The following ECEL1 variants were observed in gnomAD, a reference collection of about 807,000 sequenced individuals.
The protein encoded by ECEL1 is endothelin converting enzyme like 1, also known as endothelin-converting enzyme-like 1.
In ECEL1, 87 loss-of-function variants were observed where a neutral mutation model predicts 101.8. That is an observed-to-expected ratio of 0.85 (90% CI 0.72 to 1.02). The LOEUF (loss-of-function observed/expected upper bound fraction) is 1.02, where lower values mean the gene tolerates loss of function less well. Among genes scored for constraint, ECEL1 ranks in the 50% least tolerant of loss-of-function variants. The pLI is 0.00. For missense variants in ECEL1, 1,032 were observed against 1,079.2 expected, an observed-to-expected ratio of 0.96 and a Z score of 0.61; for synonymous variants, 487 against 468.7, an observed-to-expected ratio of 1.04 and a Z score of -0.50.
chr2:232,483,329 T>C, intron 8 of ECEL1, 87 bp downstream of exon 8: 1 of 1,549,264 alleles, frequency 6.5e-7, no homozygotes, highest in South Asian at 1.2e-5. Context: ...CACGAAGGCC[T>C]CTTTGTCCCT....
At chr2:232,483,052 T>G in intron 9 of ECEL1, 53 bp downstream of exon 9, 6 of 1,612,120 alleles carry the variant, frequency 3.7e-6, no homozygotes. Flanking sequence ...CCCTCCTGAG[T>G]GCCGTTAGTA....
intron 9 of ECEL1, 38 bp downstream of exon 9, chr2:232,483,067 G>T (rs781682011): frequency 1.5e-5 from 24 of 1,612,038 alleles, no homozygotes; most frequent in Non-Finnish European, 2.0e-5. Flanking sequence ...TTAGTAGAGG[G>T]GCTGTGGACA....
chr2:232,484,425 A>T (rs774383228), intron 6 of ECEL1, 47 bp downstream of exon 6: 1 of 1,607,388 alleles, frequency 6.2e-7, no homozygotes, highest in South Asian at 1.1e-5. Context: ...GTGCAGGGGA[A>T]GGACCTAGTG....
Position 232,482,959 on chromosome 2 carries a change from A to C in ECEL1, c.1582-5T>G. 1 of 1,614,114 alleles carries C rather than the reference A, an allele frequency of 6.2e-7. No homozygotes were observed. Reference sequence around the variant, plus strand: ...GGTCTTCTCATGGACCTCAAACTGCAGGAGGCACGGGCGACACTCAGCGGC... The same window carrying C: ...GGTCTTCTCATGGACCTCAAACTGCCGGAGGCACGGGCGACACTCAGCGGC... On this transcript the variant is annotated splice_region_variant and splice_polypyrimidine_tract_variant and intron_variant, in intron 9 of 17. Transcript: ENST00000304546.
rs1690676929 is a variant in ECEL1 at position 232,484,804 on chromosome 2, G to A, written c.1056C>T (p.Pro352=). ...VTLGQLQKIT[P]HLRWKWLLDQ... is the part of the protein sequence containing the mutation. ...ACGAGGACTGGGCCACACTCACGTG[G>A]GGGGTGATCTTCTGCAGCTGCCCCA... The change falls in exon 5 of 18, where the codon CCC becomes CCT. Residue 352 remains proline (P), a synonymous_variant. Transcript: ENST00000304546. 1 of 1,613,880 alleles carries A rather than the reference G, an allele frequency of 6.2e-7. No individual in the cohort carries two copies. The highest frequency in any genetic ancestry group is 8.5e-7 in the Non-Finnish European group (1 of 1,180,012).
Position 232,481,177 on chromosome 2 carries a change from CA to C in ECEL1, c.1990-22del, listed in dbSNP as rs778343175. On this transcript the variant is annotated intron_variant, in intron 14 of 17. Coordinates refer to ENST00000304546, the MANE Select transcript of ECEL1 (RefSeq NM_004826.4). ...TTCACCTGCCGGGAAGGGAAGAGGC[CA>C]GGGGGCTGCTTGGGGCCCAGCTGGC... is the stretch of plus-strand genomic sequence containing the variant. The C allele has an allele frequency of 8.4e-6, 13 of 1,555,464 alleles. No individual in the cohort carries two copies. In the South Asian group the frequency reaches 1.2e-4, roughly 14 times the overall value.
chr2:232,483,251 CAAGG>C, intron 8 of ECEL1, 72 bp from the exon 9 acceptor site: 1 of 1,538,746 alleles, frequency 6.5e-7, no homozygotes, highest in Non-Finnish European at 8.8e-7. Flanking sequence ...CCCTACCCAC[CAAGG>C]AAGGGAGCAC....
Position 232,481,615 on chromosome 2 carries a change from C to T in ECEL1, c.1880G>A (p.Arg627His), listed in dbSNP as rs145010012. 3.6e-5 allele frequency: 58 copies of T among 1,613,698 alleles called. No homozygotes were observed. The highest frequency in any genetic ancestry group is 1.7e-4 in the Middle Eastern group (1 of 6,052). Residue 627 changes from arginine (R) to histidine (H), a missense_variant, in exon 14 of 18, where the codon CGC (arginine) becomes CAC (histidine). By Grantham distance (29) the Arg-to-His change is conservative (BLOSUM62 0). Coordinates refer to ENST00000304546, the MANE Select transcript of ECEL1 (RefSeq NM_004826.4). The part of the protein sequence containing the change: ...GYDDWGGQYD[R>H]SGNLLHWWTE... ...CCACCAGTGCAGCAGGTTCCCTGAG[C>T]GGTCATACTGGCCCCCTGTGGGCAG...
chr2:232,485,675 A>G (rs1254956024), intron 2 of ECEL1, among the ~76,000 whole-genome samples, 193 bp downstream of exon 2: 3 of 152,016 alleles, frequency 2.0e-5, no homozygotes, highest in Non-Finnish European at 4.4e-5. Context: ...AAACACCGCA[A>G]TTACCCCAGG....
At chr2:232,480,499 G>A (rs1481663962) in intron 16 of ECEL1, 24 bp from the exon 17 acceptor site, 1 of 1,612,868 alleles carries the variant, frequency 6.2e-7, no homozygotes, top group Non-Finnish European at 8.5e-7. Flanking sequence ...CGGGGTGGAG[G>A]GGAGGAGGGG....
At chr2:232,482,721 C>T (rs193274047) in intron 10 of ECEL1, 113 bp from the exon 11 acceptor site, 2 of 1,505,894 alleles carry the variant, frequency 1.3e-6, no homozygotes, top group Admixed American at 3.4e-5. Context: ...CCCTGCCGGC[C>T]CCCACCCCAT....
chr2:232,481,361 G>A, intron 14 of ECEL1, 145 bp downstream of exon 14: 1 of 1,413,506 alleles, frequency 7.1e-7, no homozygotes, highest in Admixed American at 2.1e-5. Flanking sequence ...CTGTCCACGT[G>A]AGTGTGCGTG....
chr2:232,481,514 T>C lies in ECEL1; in HGVS notation c.1981A>G (p.Asn661Asp). 6.2e-7 allele frequency: 1 copy of C among 1,611,012 alleles called. No homozygotes were observed. The highest frequency in any genetic ancestry group is 1.1e-5 in the South Asian group (1 of 90,350). ...VRLYDNFTVY[N>D]QRVNGKHTLG... Reference sequence around the variant, plus strand: ...GCAGGTGGGGGTCTCACCCGCTGGTTGTAGACAGTGAAGTTGTCATAGAGA... The same window carrying C: ...GCAGGTGGGGGTCTCACCCGCTGGTCGTAGACAGTGAAGTTGTCATAGAGA... The change falls in exon 14 of 18, where the codon AAC (asparagine) becomes GAC (aspartate). Residue 661 changes from asparagine (N) to aspartate (D), a missense_variant. Transcript: ENST00000304546.
At chr2:232,483,960 A>G in intron 7 of ECEL1, 41 bp downstream of exon 7, 12 of 1,557,014 alleles carry the variant, frequency 7.7e-6, no homozygotes, top group Non-Finnish European at 9.6e-6. Context: ...CTCCACCCTC[A>G]GTTCAGCACC....
chr2:232,486,154 C>A lies in ECEL1; in HGVS notation c.500G>T (p.Arg167Leu). 3 of 1,569,642 alleles carry A rather than the reference C, an allele frequency of 1.9e-6. No homozygotes were observed. The highest frequency in any genetic ancestry group is 2.3e-5 in the East Asian group (1 of 43,106). The change falls in exon 2 of 18, where the codon CGG (arginine) becomes CTG (leucine). Residue 167 changes from arginine to leucine, a missense_variant. Physicochemically the swap from Arg to Leu is moderately radical, Grantham distance 102. Coordinates refer to ENST00000304546, the MANE Select transcript of ECEL1 (RefSeq NM_004826.4). The stretch of plus-strand genomic sequence containing the variant: ...CGCGCCGCCAGGCCCACCCCCGGGC[C>A]GCGCCAGCAGGCGCCGTAGGCGCTC... ...NEERLRRLLA[R>L]PGGGPGGAAQ...
At chr2:232,485,483 G>A (rs1452565315) in intron 2 of ECEL1, among the ~76,000 whole-genome samples, 1 of 152,148 alleles carries the variant, frequency 6.6e-6, no homozygotes, top group Non-Finnish European at 1.5e-5. Context: ...ACCCCTGTAC[G>A]TCTGCACTTT....
In ECEL1 at chr2:232,485,013, CT is replaced by C. The variant is rs766518550; in HGVS notation, c.933del (p.Glu312ArgfsTer31). ...AGCTGCTGCTCCACTTGCAGGATCT[CT>C]TGGGCCTTCTGTTCCACAGCGTCTG... ...LGADAVEQKA[Q>X]EILQVEQQLA... On this transcript the variant is annotated frameshift_variant, in exon 4 of 18. Coordinates refer to ENST00000304546, the MANE Select transcript of ECEL1 (RefSeq NM_004826.4). LOFTEE classifies it high-confidence loss of function. 4 of 1,613,000 alleles carry C rather than the reference CT, an allele frequency of 2.5e-6. No homozygotes were observed. In the African/African-American group the frequency reaches 4.0e-5, roughly 16 times the overall value.
Position 232,480,090 on chromosome 2 carries a change from C to T in ECEL1, c.*63G>A, listed in dbSNP as rs1044605895. 3.2e-6 allele frequency: 5 copies of T among 1,553,814 alleles called. No homozygotes were observed. Among genetic ancestry groups the T allele is most frequent in the Non-Finnish European group, 2.7e-6 (3 of 1,131,954 alleles). ...GGCTGGCACCGGGTGCATGCCTGCCCCGGTAGCCAGCAGGAGGTGATTCGT... is the reference window on the plus strand; with the variant it reads ...GGCTGGCACCGGGTGCATGCCTGCCTCGGTAGCCAGCAGGAGGTGATTCGT... On this transcript the variant is annotated 3_prime_UTR_variant, in exon 18 of 18. Coordinates refer to ENST00000304546, the MANE Select transcript of ECEL1 (RefSeq NM_004826.4).
chr2:232,480,862 C>G, intron 15 of ECEL1, 49 bp from the exon 16 acceptor site: 1 of 1,542,574 alleles, frequency 6.5e-7, no homozygotes, highest in South Asian at 1.2e-5. Flanking sequence ...ACCCTGGGCA[C>G]CGCTTCTTCT....
Sources: allele counts gnomAD v4.1 joint callset (sites outside exome capture counted in the v4.1 genomes callset), GRCh38; gene constraint gnomAD v4.1.1; transcripts MANE v1.5; gene names NCBI Gene and HGNC (gene_info 2026-07-23, HGNC 2026-07-21).